RFTN1: variants seen among roughly 807,000 people sequenced by gnomAD.
RFTN1 encodes raftlin.
Under a neutral mutation model 46.5 loss-of-function variants are expected in RFTN1, and 26 were observed. The observed-to-expected ratio is 0.56, with a 90% CI of 0.41 to 0.78. The LOEUF is 0.78. RFTN1 is among the 30% of genes least tolerant of loss of function. The pLI is 0.00. For missense variants in RFTN1, 693 were observed against 718.7 expected (o/e 0.96, Z 0.41); for synonymous variants, 261 against 284.2 (o/e 0.92, Z 0.82).
At chr3:16,414,931 A>T (rs193054196) in intron 3 of RFTN1, among the ~76,000 whole-genome samples, 10 of 152,210 alleles carry the variant, frequency 6.6e-5, no homozygotes, top group African/African-American at 2.4e-4. Flanking sequence ...TAGTATAGAC[A>T]TTCAGGCCAC....
chr3:16,358,640 C>T (rs1352491131), intron 6 of RFTN1, among the ~76,000 whole-genome samples: 1 of 152,034 alleles, frequency 6.6e-6, no homozygotes. Flanking sequence ...GGGTGCTGCT[C>T]TAGTCAATGT....
intron 3 of RFTN1, among the ~76,000 whole-genome samples, chr3:16,411,891 A>G (rs2074987123): frequency 1.3e-5 from 2 of 152,256 alleles, no homozygotes; most frequent in South Asian, 4.1e-4. Flanking sequence ...GTATCCATTA[A>G]GTACAACATT....
Position 16,409,369 on chromosome 3 carries a change from G to A in RFTN1, c.441+6C>T, listed in dbSNP as rs77639118. 15 of 1,586,140 alleles carry A rather than the reference G, an allele frequency of 9.5e-6. No homozygotes were observed. The African/African-American group carries it at 1.2e-4, about 13-fold the overall frequency. On this transcript the variant is annotated splice_donor_region_variant and intron_variant, in intron 4 of 9. Transcript: ENST00000334133. Reference sequence around the variant, plus strand: ...TCTTCAATGGTACCCTGACTGTAGCGCTCACCTTCTTAATGAACTCTGGGA... The same window carrying A: ...TCTTCAATGGTACCCTGACTGTAGCACTCACCTTCTTAATGAACTCTGGGA...
At chr3:16,445,921 GTT>G (rs77444396) in intron 2 of RFTN1, among the ~76,000 whole-genome samples, 1 of 145,234 alleles carries the variant, frequency 6.9e-6, no homozygotes, top group African/African-American at 2.5e-5. Flanking sequence ...GTTCATTGAA[GTT>G]TTTTTTTTTT....
Position 16,470,005 on chromosome 3 carries a change from G to A in RFTN1, c.145+23720C>T, listed in dbSNP as rs1575337235. On this transcript the variant is annotated intron_variant, in intron 2 of 9. Transcript: ENST00000334133. Reference sequence around the variant, plus strand: ...TGCTCAAGGTCATGGGGTTAGCAAGGAGCAGAAGTGAAAATTGAACCTAGA... The same window carrying A: ...TGCTCAAGGTCATGGGGTTAGCAAGAAGCAGAAGTGAAAATTGAACCTAGA... 3.3e-5 allele frequency among the ~76,000 whole-genome samples: 5 copies of A among 152,286 alleles called. No individual in the cohort carries two copies. The South Asian group carries it at 1.0e-3, about 32-fold the overall frequency.
chr3:16,375,650 G>C (rs963197082), intron 5 of RFTN1, among the ~76,000 whole-genome samples: 1 of 152,198 alleles, frequency 6.6e-6, no homozygotes, highest in African/African-American at 2.4e-5. Flanking sequence ...TGAGCAGAGA[G>C]ATAAAGGGAC....
Position 16,512,090 on chromosome 3 carries a change from A to C in RFTN1, c.-9+1352T>G, listed in dbSNP as rs1270109453. On this transcript the variant is annotated intron_variant, in intron 1 of 9. Coordinates refer to ENST00000334133, the MANE Select transcript of RFTN1 (RefSeq NM_015150.2). The surrounding 1 kb of genome is among the most constrained non-coding windows in gnomAD (Gnocchi z 4.3). ...TAGCACACACGCACCAAAGAGTCCC[A>C]AACAGCTTGCTTCGTAACCCCTCTC... Among the ~76,000 whole-genome samples the C allele has an allele frequency of 6.6e-6, 1 of 152,122 alleles. No homozygotes were observed. Among genetic ancestry groups the C allele is most frequent in the Non-Finnish European group, 1.5e-5 (1 of 68,022 alleles).
Position 16,489,419 on chromosome 3 carries a change from A to G in RFTN1, c.145+4306T>C, listed in dbSNP as rs982216837. On this transcript the variant is annotated intron_variant, in intron 2 of 9. Coordinates refer to ENST00000334133, the MANE Select transcript of RFTN1 (RefSeq NM_015150.2). This position sits in a 1 kb window ranked among gnomAD's most constrained non-coding sequence, Gnocchi z 4.0. ...GGCAACAGAGTGAGACTTCGCTTCA[A>G]AAAAAAATCAGTGATGGAGAGGAGA... Among the ~76,000 whole-genome samples, 1 of 152,088 alleles carries G rather than the reference A, an allele frequency of 6.6e-6. No individual in the cohort carries two copies. The highest frequency in any genetic ancestry group is 1.5e-5 in the Non-Finnish European group (1 of 67,950).
At chr3:16,463,981 C>G (rs2076048477) in intron 2 of RFTN1, among the ~76,000 whole-genome samples, 2 of 152,124 alleles carry the variant, frequency 1.3e-5, no homozygotes, top group Admixed American at 1.3e-4. Flanking sequence ...CACCATGCCC[C>G]CACCCCTCCC....
At chr3:16,439,363 AC>A in intron 2 of RFTN1, among the ~76,000 whole-genome samples, 1 of 152,118 alleles carries the variant, frequency 6.6e-6, no homozygotes, top group East Asian at 1.9e-4. Context: ...TATCAGAGTA[AC>A]CTCTCCACTA....
chr3:16,363,875 T>C (rs1054578199), intron 6 of RFTN1, among the ~76,000 whole-genome samples: 1 of 146,850 alleles, frequency 6.8e-6, no homozygotes, highest in African/African-American at 2.5e-5. Context: ...ATTCCAGGAT[T>C]AGCAATCGCC....
Position 16,506,371 on chromosome 3 carries a change from T to G in RFTN1, c.-9+7071A>C, listed in dbSNP as rs1421156178. 6.6e-6 allele frequency among the ~76,000 whole-genome samples: 1 copy of G among 152,138 alleles called. No homozygotes were observed. Among genetic ancestry groups the G allele is most frequent in the Non-Finnish European group, 1.5e-5 (1 of 68,016 alleles). On this transcript the variant is annotated intron_variant, in intron 1 of 9. Transcript: ENST00000334133. The surrounding 1 kb of genome is among the most constrained non-coding windows in gnomAD (Gnocchi z 4.8). Reference sequence around the variant, plus strand: ...GGCCGGGCCGTGAGCACTTCAGCTTTACCCTGACTGAGTTGGAAGCCTCTG... The same window carrying G: ...GGCCGGGCCGTGAGCACTTCAGCTTGACCCTGACTGAGTTGGAAGCCTCTG...
chr3:16,392,768 T>C (rs1285432717), intron 4 of RFTN1, among the ~76,000 whole-genome samples: 1 of 152,142 alleles, frequency 6.6e-6, no homozygotes, highest in Non-Finnish European at 1.5e-5. Context: ...TGCTGGGACG[T>C]ATGAAGCATT....
chr3:16,374,353 A>G lies in RFTN1; in HGVS notation c.826+3365T>C, dbSNP rs896482277. Among the ~76,000 whole-genome samples the G allele has an allele frequency of 2.6e-5, 4 of 152,204 alleles. No homozygotes were observed. Among genetic ancestry groups the G allele is most frequent in the African/African-American group, 9.6e-5 (4 of 41,456 alleles). ...GGTGGGAGCTCAATAGCTGTTTGTT[A>G]ATGGACTGAGTAAAAGGCCAGAAAG... On this transcript the variant is annotated intron_variant, in intron 5 of 9. Transcript: ENST00000334133. This position sits in a 1 kb window ranked among gnomAD's most constrained non-coding sequence, Gnocchi z 5.4.
rs766567551 is a variant in RFTN1, at chr3:16,465,018, T to G, written c.145+28707A>C. Reference sequence around the variant, plus strand: ...ATCACAATGATTTATTACAATCATTTTTTAAGATTAACACAACAAGGAGAG... The same window carrying G: ...ATCACAATGATTTATTACAATCATTGTTTAAGATTAACACAACAAGGAGAG... On this transcript the variant is annotated intron_variant, in intron 2 of 9. Coordinates refer to ENST00000334133, the MANE Select transcript of RFTN1 (RefSeq NM_015150.2). The surrounding 1 kb of genome is among the most constrained non-coding windows in gnomAD (Gnocchi z 5.1). Among the ~76,000 whole-genome samples the G allele has an allele frequency of 2.6e-5, 4 of 152,184 alleles. No homozygotes were observed. Among genetic ancestry groups the G allele is most frequent in the Non-Finnish European group, 5.9e-5 (4 of 68,038 alleles).
rs764749726 is a variant in RFTN1 at position 16,433,984 on chromosome 3, C to T, written c.199G>A (p.Ala67Thr). 6.8e-6 allele frequency: 11 copies of T among 1,613,226 alleles called. No individual in the cohort carries two copies. Among genetic ancestry groups the T allele is most frequent in the East Asian group, 2.2e-5 (1 of 44,888 alleles). ...TGCTGGTACAGCTCCAGGAGCTGGG[C>T]GGGCAGGTCACGCAGGGAGGCCAGC... ...VRLASLRDLP[A>T]QLLELYQQGF... Residue 67 changes from alanine to threonine, a missense_variant, in exon 3 of 10, where the codon GCC becomes ACC. Physicochemically the swap from Ala to Thr is moderately conservative, Grantham distance 58. Coordinates refer to ENST00000334133, the MANE Select transcript of RFTN1 (RefSeq NM_015150.2). The surrounding 1 kb of genome is among the most constrained non-coding windows in gnomAD (Gnocchi z 4.4).
At position 16,509,041 on chromosome 3, in the gene RFTN1, G is replaced by A. The variant is rs1197226792; in HGVS notation, c.-9+4401C>T. ...ATGTAAATAGCCACATGTAACTAGTGGCTACTGTATTGAACAGTTCAGCTG... is the reference window on the plus strand; with the variant it reads ...ATGTAAATAGCCACATGTAACTAGTAGCTACTGTATTGAACAGTTCAGCTG... On this transcript the variant is annotated intron_variant, in intron 1 of 9. Coordinates refer to ENST00000334133, the MANE Select transcript of RFTN1 (RefSeq NM_015150.2). The surrounding 1 kb of genome is among the most constrained non-coding windows in gnomAD (Gnocchi z 4.9). 6.6e-6 allele frequency among the ~76,000 whole-genome samples: 1 copy of A among 152,032 alleles called. No individual in the cohort carries two copies. Among genetic ancestry groups the A allele is most frequent in the Non-Finnish European group, 1.5e-5 (1 of 67,994 alleles).
chr3:16,368,175 A>G (rs968599188), intron 6 of RFTN1, among the ~76,000 whole-genome samples: 2 of 152,114 alleles, frequency 1.3e-5, no homozygotes, highest in African/African-American at 2.4e-5. Context: ...TGACACTGAT[A>G]TGTCAGGCTG....
intron 7 of RFTN1, among the ~76,000 whole-genome samples, chr3:16,340,423 C>G (rs2071242764): frequency 6.6e-6 from 1 of 152,204 alleles, no homozygotes; most frequent in African/African-American, 2.4e-5. Flanking sequence ...TGAGGCCACT[C>G]TAGATCATTC....
Sources: gnomAD v4.1 joint callset for allele counts (sites outside exome capture counted in the v4.1 genomes callset) on GRCh38, gnomAD v4.1.1 for gene constraint, Gnocchi (gnomAD v3.1) non-coding constraint, MANE v1.5 for transcripts, NCBI Gene and HGNC (gene_info 2026-07-23, HGNC 2026-07-21) for gene names.